Variants in PDZRN4 observed in about 807,000 individuals in gnomAD.
PDZRN4 encodes PDZ domain-containing RING finger protein 4.
In PDZRN4, 70 loss-of-function variants were observed where a neutral mutation model predicts 99.0. The ratio of observed to expected loss-of-function variants is 0.71; its 90% CI spans 0.58 to 0.86. The LOEUF (loss-of-function observed/expected upper bound fraction) is 0.86. Among genes scored for constraint, PDZRN4 ranks in the 40% least tolerant of loss-of-function variants. PDZRN4 has a pLI of 0.00. For missense variants in PDZRN4, 1,474 were observed against 1,331.2 expected (o/e 1.11, Z -1.67); for synonymous variants, 551 against 501.6 (o/e 1.10, Z -1.32).
intron 1 of PDZRN4, among the ~76,000 whole-genome samples, chr12:41,190,721 G>A (rs78579896): frequency 0.041 from 6,232 of 152,200 alleles, 177 homozygotes; most frequent in African/African-American, 0.074. Context: ...CCAAGTAAAG[G>A]TTAATAACAT....
At chr12:41,565,594 C>T (rs1043788885) in intron 8 of PDZRN4, among the ~76,000 whole-genome samples, 1 of 151,520 alleles carries the variant, frequency 6.6e-6, no homozygotes, top group Non-Finnish European at 1.5e-5. Flanking sequence ...TTTTTTTAAA[C>T]ATTTTTAACG....
At chr12:41,280,554 T>G (rs1217992001) in intron 3 of PDZRN4, among the ~76,000 whole-genome samples, 1 of 152,124 alleles carries the variant, frequency 6.6e-6, no homozygotes, top group Non-Finnish European at 1.5e-5. Context: ...TACTGAGGCT[T>G]AATTAGACAG....
At chr12:41,394,406 T>C (rs1270990156) in intron 3 of PDZRN4, among the ~76,000 whole-genome samples, 1 of 152,230 alleles carries the variant, frequency 6.6e-6, no homozygotes, top group Non-Finnish European at 1.5e-5. Context: ...CTTTGTATGA[T>C]AGCAGAATCT....
At chr12:41,192,589 A>G (rs1950742033) in intron 2 of PDZRN4, among the ~76,000 whole-genome samples, 1 of 152,236 alleles carries the variant, frequency 6.6e-6, no homozygotes, top group African/African-American at 2.4e-5. Flanking sequence ...AGGCAATTGT[A>G]TTGCCTGCTT....
At chr12:41,349,992 G>A (rs1565559075) in intron 3 of PDZRN4, among the ~76,000 whole-genome samples, 1 of 151,894 alleles carries the variant, frequency 6.6e-6, no homozygotes, top group Non-Finnish European at 1.5e-5. Context: ...TAAAAAAAAT[G>A]AATACTTTAG....
chr12:41,434,533 CTT>C (rs911807700), intron 3 of PDZRN4, among the ~76,000 whole-genome samples: 4 of 152,160 alleles, frequency 2.6e-5, no homozygotes, highest in African/African-American at 7.2e-5. Flanking sequence ...CTCATCTACT[CTT>C]TTGCTACTCA....
intron 3 of PDZRN4, among the ~76,000 whole-genome samples, chr12:41,331,859 G>C (rs1227473095): frequency 6.6e-6 from 1 of 152,070 alleles, no homozygotes; most frequent in Non-Finnish European, 1.5e-5. Context: ...TCCCTCCCAT[G>C]ACACATGGGG....
intron 3 of PDZRN4, among the ~76,000 whole-genome samples, chr12:41,326,544 G>A (rs1001624764): frequency 4.6e-5 from 7 of 152,096 alleles, no homozygotes; most frequent in Non-Finnish European, 7.4e-5. Context: ...AGCAGAAAAG[G>A]ATTAAAAAGT....
At chr12:41,297,274 A>G (rs1017716461) in intron 3 of PDZRN4, among the ~76,000 whole-genome samples, 13 of 152,234 alleles carry the variant, frequency 8.5e-5, no homozygotes, top group African/African-American at 3.1e-4. Flanking sequence ...ACATTTAATT[A>G]TAATACTAGG....
At chr12:41,453,921 T>TGATGGAGACCA (rs1310888273) in intron 3 of PDZRN4, among the ~76,000 whole-genome samples, 1 of 149,254 alleles carries the variant, frequency 6.7e-6, no homozygotes, top group Non-Finnish European at 1.5e-5. Flanking sequence ...TTTAATCTCC[T>TGATGGAGACCA]TCTGAAATGT....
intron 3 of PDZRN4, among the ~76,000 whole-genome samples, chr12:41,455,241 A>G (rs1952808553): frequency 6.6e-6 from 1 of 152,206 alleles, no homozygotes; most frequent in Non-Finnish European, 1.5e-5. Context: ...GCAAGTATAA[A>G]ATATGAATCC....
chr12:41,447,657 G>A (rs984609602), intron 3 of PDZRN4, among the ~76,000 whole-genome samples: 1 of 152,100 alleles, frequency 6.6e-6, no homozygotes, highest in African/African-American at 2.4e-5. Flanking sequence ...TATGAGATAT[G>A]TAATACTGTC....
At chr12:41,348,725 AATTACTCC>A (rs1951871212) in intron 3 of PDZRN4, among the ~76,000 whole-genome samples, 1 of 152,174 alleles carries the variant, frequency 6.6e-6, no homozygotes, top group Admixed American at 6.5e-5. Context: ...TTGCAAGCTG[AATTACTCC>A]ATTTTTTTTA....
intron 5 of PDZRN4, among the ~76,000 whole-genome samples, chr12:41,531,474 G>A (rs1467981208): frequency 6.6e-6 from 1 of 152,164 alleles, no homozygotes; most frequent in Non-Finnish European, 1.5e-5. Flanking sequence ...TGCTCCTCCT[G>A]AGGTCCAGCC....
At chr12:41,553,368 G>A (rs1005792258) in intron 6 of PDZRN4, among the ~76,000 whole-genome samples, 2 of 152,188 alleles carry the variant, frequency 1.3e-5, no homozygotes, top group African/African-American at 4.8e-5. Context: ...TACAAGAGAT[G>A]ATTTTTTAAA....
chr12:41,315,401 A>G (rs1179344201), intron 3 of PDZRN4, among the ~76,000 whole-genome samples: 1 of 152,158 alleles, frequency 6.6e-6, no homozygotes, highest in Non-Finnish European at 1.5e-5. Context: ...CACCACTGGC[A>G]TTTGACCTTT....
chr12:41,506,462 G>A lies in PDZRN4; in HGVS notation c.850G>A (p.Gly284Arg), dbSNP rs779234005. ...TGTCCTTATATGTTTGTAGGTCAATGGGAAGGATCTTTCAAAGGCCACTCA... is the reference window on the plus strand; with the variant it reads ...TGTCCTTATATGTTTGTAGGTCAATAGGAAGGATCTTTCAAAGGCCACTCA... ...EIHDKIMEVNGKDLSKATHEE... is the reference protein window; with the variant it reads ...EIHDKIMEVNRKDLSKATHEE... The change falls in exon 4 of 10, where the codon GGG becomes AGG. Residue 284 changes from glycine to arginine, a missense_variant. By Grantham distance (125) the Gly-to-Arg change is moderately radical. Coordinates refer to ENST00000402685, the MANE Select transcript of PDZRN4 (RefSeq NM_001164595.2). 16 of 1,610,854 alleles carry A rather than the reference G, an allele frequency of 9.9e-6. No individual in the cohort carries two copies. The South Asian group carries it at 1.7e-4, about 17-fold the overall frequency.
rs1368772140 is a variant in PDZRN4, at chr12:41,191,938, A to G, written c.735+394A>G. 5.9e-5 allele frequency among the ~76,000 whole-genome samples: 9 copies of G among 151,658 alleles called. No individual in the cohort carries two copies. The East Asian group carries it at 1.4e-3, about 23-fold the overall frequency. On this transcript the variant is annotated intron_variant, in intron 2 of 9. Transcript: ENST00000402685. ...GCTGGGATTACAGGCTCCTGCCACC[A>G]CACCCGGCTAATTTTTTGTATTTTT...
rs148147123 is a variant in PDZRN4, at chr12:41,426,414, C to A, written c.844-80042C>A. 2.1e-3 allele frequency among the ~76,000 whole-genome samples: 314 copies of A among 152,288 alleles called. 1 individual carries two copies. Among genetic ancestry groups the A allele is most frequent in the Non-Finnish European group, 3.5e-3 (239 of 68,024 alleles). ...CAAGGAAACAATGACTGATTCAAGA[C>A]CACCTCTACCACTGACTCTTCATTC... On this transcript the variant is annotated intron_variant, in intron 3 of 9. Transcript: ENST00000402685.
Sources: gnomAD v4.1 joint callset for allele counts (sites outside exome capture counted in the v4.1 genomes callset) on GRCh38, gnomAD v4.1.1 for gene constraint, MANE v1.5 for transcripts, NCBI Gene and HGNC (gene_info 2026-07-23, HGNC 2026-07-21) for gene names.